The following SNX25 variants were observed in gnomAD, a reference collection of about 807,000 sequenced individuals.
SNX25 encodes sorting nexin 25.
Under a neutral mutation model 113.7 loss-of-function variants are expected in SNX25, and 62 were observed. The ratio of observed to expected loss-of-function variants is 0.55; its 90% CI spans 0.44 to 0.67. The LOEUF is 0.67. Among genes scored for constraint, SNX25 ranks in the 30% least tolerant of loss-of-function variants. The pLI, the probability that SNX25 is intolerant of heterozygous loss-of-function variation, is 0.00. For synonymous variants in SNX25, 421 were observed against 436.2 expected, an observed-to-expected ratio of 0.97 and a Z score of 0.43; for missense variants, 1,014 against 1,161.0, an observed-to-expected ratio of 0.87 and a Z score of 1.84.
chr4:185,360,306 C>T (rs531671971), intron 16 of SNX25, among the ~76,000 whole-genome samples: 6 of 152,254 alleles, frequency 3.9e-5, no homozygotes, highest in Non-Finnish European at 8.8e-5. Context: ...CTAGGAGATA[C>T]GCAGTTATAG....
At chr4:185,212,471 G>C (rs866098408) in intron 1 of SNX25, among the ~76,000 whole-genome samples, 25 of 79,018 alleles carry the variant, frequency 3.2e-4, no homozygotes, top group African/African-American at 1.3e-3. Context: ...TGATGTGTGT[G>C]TGTGTGTGTG....
At chr4:185,330,791 CT>C (rs201018928) in intron 9 of SNX25, among the ~76,000 whole-genome samples, 3 of 149,040 alleles carry the variant, frequency 2.0e-5, no homozygotes, top group East Asian at 2.0e-4. Flanking sequence ...CATATACATT[CT>C]TTTTTTTTTA....
At chr4:185,304,341 C>T (rs187722788) in intron 6 of SNX25, among the ~76,000 whole-genome samples, 3 of 152,060 alleles carry the variant, frequency 2.0e-5, no homozygotes, top group Admixed American at 1.3e-4. Flanking sequence ...CATGCCACCA[C>T]GCCTGGCTAA....
At chr4:185,228,817 T>C (rs903839986) in intron 1 of SNX25, among the ~76,000 whole-genome samples, 6 of 152,232 alleles carry the variant, frequency 3.9e-5, no homozygotes, top group Non-Finnish European at 8.8e-5. Context: ...CACTAGGCAC[T>C]TTACATTCTC....
chr4:185,309,822 A>C (rs149951920), intron 6 of SNX25, among the ~76,000 whole-genome samples: 6 of 152,284 alleles, frequency 3.9e-5, no homozygotes, highest in African/African-American at 1.4e-4. Flanking sequence ...ATACAAATAC[A>C]TTTATGGCAC....
chr4:185,217,618 A>T (rs12642806), intron 1 of SNX25, among the ~76,000 whole-genome samples: 57,456 of 152,004 alleles, frequency 0.38, 13,188 homozygotes, highest in East Asian at 0.59. Flanking sequence ...ATACGATGTC[A>T]CATTGGTAAT....
At chr4:185,370,561 T>G (rs530346001), downstream of SNX25, 10 of 1,436,812 alleles carry the variant, frequency 7.0e-6, no homozygotes, top group African/African-American at 9.8e-5. Context: ...AAAACACTAA[T>G]CCGTAAAACT....
At chr4:185,216,743 A>C (rs150677559) in intron 1 of SNX25, among the ~76,000 whole-genome samples, 66 of 150,342 alleles carry the variant, frequency 4.4e-4, no homozygotes, top group African/African-American at 1.5e-3. Context: ...CTGATCTTGA[A>C]CTCCTGACCT....
At chr4:185,241,175 C>T (rs1171188230) in intron 1 of SNX25, among the ~76,000 whole-genome samples, 2 of 152,034 alleles carry the variant, frequency 1.3e-5, no homozygotes, top group African/African-American at 2.4e-5. Context: ...CACTGCACTC[C>T]AGCCTGGGCA....
intron 13 of SNX25, among the ~76,000 whole-genome samples, chr4:185,349,995 C>T (rs1017450658): frequency 4.6e-5 from 7 of 152,188 alleles, no homozygotes; most frequent in East Asian, 3.8e-4. Flanking sequence ...TTCTGAAAAA[C>T]GAATGAAGAC....
chr4:185,268,744 A>G (rs1748498055), intron 5 of SNX25, among the ~76,000 whole-genome samples: 1 of 152,244 alleles, frequency 6.6e-6, no homozygotes, highest in Non-Finnish European at 1.5e-5. Flanking sequence ...CTAAGGAGGC[A>G]TAGACGTAGA....
At chr4:185,299,671 TGAGAA>T (rs1753357261) in intron 6 of SNX25, among the ~76,000 whole-genome samples, 1 of 152,198 alleles carries the variant, frequency 6.6e-6, no homozygotes, top group African/African-American at 2.4e-5. Context: ...CTAGAGTAGT[TGAGAA>T]ATGGTCTATT....
chr4:185,366,895 C>T (rs369281690), downstream of SNX25: 18 of 227,378 alleles, frequency 7.9e-5, no homozygotes, highest in African/African-American at 2.7e-4. Context: ...AAAGGATAAA[C>T]GATACTTGCT....
Position 185,267,097 on chromosome 4 carries a change from G to A in SNX25, c.1033G>A (p.Glu345Lys), listed in dbSNP as rs775906138. 9 of 1,613,748 alleles carry A rather than the reference G, an allele frequency of 5.6e-6. No individual in the cohort carries two copies. The highest frequency in any genetic ancestry group is 2.7e-5 in the African/African-American group (2 of 74,846). Residue 345 changes from glutamate to lysine, a missense_variant, in exon 5 of 19, where the codon GAG becomes AAG. Glu to Lys is a moderately conservative substitution (Grantham distance 56, BLOSUM62 1). Coordinates refer to ENST00000652585, the MANE Select transcript of SNX25 (RefSeq NM_001378034.2). Reference sequence around the variant, plus strand: ...AGCCTACACCTATGCCCCCTCTTACGAGGACTTCATCAAGCTCATTAACAG... The same window carrying A: ...AGCCTACACCTATGCCCCCTCTTACAAGGACTTCATCAAGCTCATTAACAG... The part of the protein sequence containing the change: ...KRAYTYAPSY[E>K]DFIKLINSNS...
At chr4:185,325,913 T>G (rs1025241932) in intron 9 of SNX25, among the ~76,000 whole-genome samples, 4 of 152,254 alleles carry the variant, frequency 2.6e-5, no homozygotes, top group Non-Finnish European at 4.4e-5. Context: ...AAGTCAAGTT[T>G]GATTCCTTAA....
At chr4:185,375,981 G>A in the SNX25 span, among the ~76,000 whole-genome samples, 1 of 152,148 alleles carries the variant, frequency 6.6e-6, no homozygotes, top group Non-Finnish European at 1.5e-5. Flanking sequence ...ATCGAAAAGT[G>A]AGAGAGTAAG....
chr4:185,252,578 T>G (rs910850377), intron 2 of SNX25, among the ~76,000 whole-genome samples: 2 of 152,184 alleles, frequency 1.3e-5, no homozygotes, highest in African/African-American at 4.8e-5. Flanking sequence ...ATATATCTAT[T>G]TTATTGGTTT....
At chr4:185,222,542 T>C (rs3108260) in intron 1 of SNX25, among the ~76,000 whole-genome samples, 98,880 of 151,174 alleles carry the variant, frequency 0.65, 32,349 homozygotes, top group East Asian at 0.75. Flanking sequence ...GCGCCCTATA[T>C]CCCCTTCGTG....
intron 1 of SNX25, among the ~76,000 whole-genome samples, chr4:185,244,059 G>A (rs1267045203): frequency 1.3e-5 from 2 of 152,068 alleles, no homozygotes; most frequent in Non-Finnish European, 2.9e-5. Context: ...GTGCAGTGGT[G>A]CAGTCCTGGG....
Sources: gnomAD v4.1 joint callset for allele counts (sites outside exome capture counted in the v4.1 genomes callset) on GRCh38, gnomAD v4.1.1 for gene constraint, MANE v1.5 for transcripts, NCBI Gene and HGNC (gene_info 2026-07-23, HGNC 2026-07-21) for gene names.